The following ARNT2 variants were observed in gnomAD, a reference collection of about 807,000 sequenced individuals.
The protein encoded by ARNT2 is aryl hydrocarbon receptor nuclear translocator 2, also known as ARNT protein 2.
ARNT2 carries 36 observed loss-of-function variants against 91.7 expected under a neutral mutation model. The ratio of observed to expected loss-of-function variants is 0.39; its 90% confidence interval spans 0.30 to 0.52. The LOEUF (loss-of-function observed/expected upper bound fraction) is 0.52, where lower values mean the gene tolerates loss of function less well. ARNT2 is among the 20% of genes least tolerant of loss of function. The pLI, the probability that ARNT2 is intolerant of heterozygous loss-of-function variation, is 0.72. For synonymous variants in ARNT2, 365 were observed against 347.1 expected, an observed-to-expected ratio of 1.05 and a Z score of -0.57; for missense variants, 775 against 939.3, an observed-to-expected ratio of 0.83 and a Z score of 2.29.
At chr15:80,510,115 G>T (rs1042222444) in intron 6 of ARNT2, among the ~76,000 whole-genome samples, 2 of 152,202 alleles carry the variant, frequency 1.3e-5, no homozygotes, top group East Asian at 3.9e-4. Context: ...GATTGTGGTA[G>T]AAAGTGCTCA....
At position 80,563,355 on chromosome 15, in the gene ARNT2, C is replaced by T. The variant is rs966567482; in HGVS notation, c.1316+116C>T. The T allele has an allele frequency of 5.2e-6, 7 of 1,354,120 alleles. No individual in the cohort carries two copies. The African/African-American group carries it at 8.6e-5, about 17-fold the overall frequency. 83.9% of individuals were successfully genotyped at this position (1,354,120 alleles called of 1,614,324 possible). A position where few individuals can be genotyped will look rare whatever the true frequency, so the allele number is the denominator to read the frequency against. The stretch of plus-strand genomic sequence containing the variant: ...CCGGCTCTCCCTGCAGCTGGAAATC[C>T]CTGTAGGATTAAGAATAGAGGAGAC... On this transcript the variant is annotated intron_variant, in intron 12 of 18. Coordinates refer to ENST00000303329, the MANE Select transcript of ARNT2 (RefSeq NM_014862.4).
chr15:80,503,698 A>C (rs1897230985), intron 5 of ARNT2, among the ~76,000 whole-genome samples: 1 of 152,242 alleles, frequency 6.6e-6, no homozygotes, highest in African/African-American at 2.4e-5. Context: ...GACAGGTGTC[A>C]AACCTGGGGC....
intron 5 of ARNT2, among the ~76,000 whole-genome samples, chr15:80,498,095 A>G (rs956848033): frequency 6.6e-6 from 1 of 152,168 alleles, no homozygotes; most frequent in Non-Finnish European, 1.5e-5. Flanking sequence ...CTTTGGAAGA[A>G]TGGAGCTTTC....
chr15:80,441,128 C>A, intron 1 of ARNT2: 1 of 799,590 alleles, frequency 1.3e-6, no homozygotes, highest in Non-Finnish European at 1.5e-6. Flanking sequence ...ACCGATTTTT[C>A]AGAACCTAAG....
At chr15:80,534,427 C>T (rs536361009) in intron 8 of ARNT2, among the ~76,000 whole-genome samples, 2 of 152,132 alleles carry the variant, frequency 1.3e-5, no homozygotes, top group South Asian at 4.2e-4. Flanking sequence ...TACTTGTAAA[C>T]TGAACTTGCT....
intron 1 of ARNT2, among the ~76,000 whole-genome samples, chr15:80,433,057 T>C (rs1462624373): frequency 6.6e-6 from 1 of 152,030 alleles, no homozygotes; most frequent in Non-Finnish European, 1.5e-5. Flanking sequence ...TGGTGAATGA[T>C]GGATGAATAT....
At chr15:80,469,288 C>T (rs1896700968) in intron 3 of ARNT2, among the ~76,000 whole-genome samples, 2 of 152,192 alleles carry the variant, frequency 1.3e-5, no homozygotes, top group African/African-American at 4.8e-5. Context: ...AATTCCTTTG[C>T]CATGCGTTTT....
At chr15:80,566,770 T>A (rs1181008506) in intron 12 of ARNT2, among the ~76,000 whole-genome samples, 2 of 152,378 alleles carry the variant, frequency 1.3e-5, no homozygotes, top group Non-Finnish European at 2.9e-5. Context: ...TTTGTTAATG[T>A]CACCCTTGGC....
At chr15:80,452,664 G>A (rs1346026079) in intron 2 of ARNT2, among the ~76,000 whole-genome samples, 1 of 152,212 alleles carries the variant, frequency 6.6e-6, no homozygotes, top group Non-Finnish European at 1.5e-5. Context: ...AGGGCTCTGT[G>A]AGGAGGGAGG....
Position 80,594,515 on chromosome 15 carries a change from C to T in ARNT2, c.*817C>T, listed in dbSNP as rs1893339728. 1 of 152,312 alleles carries T rather than the reference C, an allele frequency of 6.6e-6. No homozygotes were observed. Among genetic ancestry groups the T allele is most frequent in the African/African-American group, 2.4e-5 (1 of 41,434 alleles). The allele number at this position is 152,312 out of a possible 1,614,324, so 9.4% of individuals were successfully genotyped here. On this transcript the variant is annotated 3_prime_UTR_variant, in exon 19 of 19. Transcript: ENST00000303329. ...GGAGGCACAGCTAGGGGCATGCTCA[C>T]ATGGGTAGGTCAGTTCTTTGGTCCA...
intron 12 of ARNT2, among the ~76,000 whole-genome samples, chr15:80,572,424 T>C (rs8034102): frequency 0.17 from 26,476 of 151,664 alleles, 2,662 homozygotes; most frequent in African/African-American, 0.27. Context: ...GAAGCTGGTC[T>C]ACCTTCCACA....
chr15:80,437,922 TACACACACAC>T (rs58142108), intron 1 of ARNT2, among the ~76,000 whole-genome samples: 26 of 141,662 alleles, frequency 1.8e-4, no homozygotes, highest in South Asian at 5.0e-4. Context: ...TGTATTTACC[TACACACACAC>T]ACACACACAC....
intron 5 of ARNT2, among the ~76,000 whole-genome samples, chr15:80,486,194 C>T (rs1192891871): frequency 6.6e-6 from 1 of 152,142 alleles, no homozygotes; most frequent in African/African-American, 2.4e-5. Context: ...TCTAAGAATA[C>T]CAGTCTGTTG....
intron 12 of ARNT2, among the ~76,000 whole-genome samples, chr15:80,569,243 G>A (rs1436959051): frequency 1.3e-5 from 2 of 152,088 alleles, no homozygotes; most frequent in African/African-American, 4.8e-5. Flanking sequence ...GCATCTGCCC[G>A]GACTCCTGCA....
At chr15:80,415,958 T>G (rs1567174132) in intron 1 of ARNT2, among the ~76,000 whole-genome samples, 1 of 152,166 alleles carries the variant, frequency 6.6e-6, no homozygotes, top group Non-Finnish European at 1.5e-5. Flanking sequence ...AGTTGCTTCA[T>G]TTCCCCCTGG....
At chr15:80,491,658 A>G (rs1897058240) in intron 5 of ARNT2, among the ~76,000 whole-genome samples, 1 of 152,074 alleles carries the variant, frequency 6.6e-6, no homozygotes, top group Non-Finnish European at 1.5e-5. Flanking sequence ...TTATATAGAA[A>G]GACTGTTCTG....
intron 11 of ARNT2, among the ~76,000 whole-genome samples, chr15:80,559,197 CAAAG>C (rs1424539058): frequency 1.3e-5 from 2 of 152,234 alleles, no homozygotes; most frequent in African/African-American, 4.8e-5. Context: ...TTTGAAAAGA[CAAAG>C]AAGGAATTTA....
Position 80,552,782 on chromosome 15 carries a change from G to A in ARNT2, c.1089+8G>A, listed in dbSNP as rs373834963. 1 of 1,613,272 alleles carries A rather than the reference G, an allele frequency of 6.2e-7. No individual in the cohort carries two copies. The highest frequency in any genetic ancestry group is 1.3e-5 in the African/African-American group (1 of 74,904). On this transcript the variant is annotated splice_region_variant and intron_variant, in intron 10 of 18. Transcript: ENST00000303329. The stretch of plus-strand genomic sequence containing the variant: ...ATTGGCTACCAACCCCAGGTGAGTA[G>A]ATAGTTTTGAGCCTATGGCAATTGA...
At position 80,421,174 on chromosome 15, in the gene ARNT2, G is replaced by A. The variant is rs888908735; in HGVS notation, c.31+16628G>A. Among the ~76,000 whole-genome samples, 3 of 152,318 alleles carry A rather than the reference G, an allele frequency of 2.0e-5. No homozygotes were observed. In the East Asian group the frequency reaches 5.8e-4, roughly 29 times the overall value. On this transcript the variant is annotated intron_variant, in intron 1 of 18. Transcript: ENST00000303329. ...AGGAATGGAAAACCAAATACCTTAT[G>A]TTCTCACTTAGAAGCGAGAGCTAAG...
Sources: allele counts gnomAD v4.1 joint callset (sites outside exome capture counted in the v4.1 genomes callset), GRCh38; gene constraint gnomAD v4.1.1; transcripts MANE v1.5; gene names NCBI Gene and HGNC (gene_info 2026-07-23, HGNC 2026-07-21).